PTPRD: variants seen among roughly 807,000 people sequenced by gnomAD.
The protein encoded by PTPRD is protein tyrosine phosphatase receptor type D, also known as receptor-type tyrosine-protein phosphatase delta.
A neutral mutation model predicts 214.5 loss-of-function variants in PTPRD; 34 were observed. The ratio of observed to expected loss-of-function variants is 0.16; its 90% CI spans 0.12 to 0.21. The LOEUF is 0.21. Ranked by LOEUF, PTPRD falls within the 10% of genes least tolerant of loss-of-function variation. PTPRD has a pLI of 1.00. For synonymous variants in PTPRD, 1,128 were observed against 845.7 expected (o/e 1.33, Z -5.79); for missense variants, 2,545 against 2,398.7 (o/e 1.06, Z -1.27).
chr9:9,114,891 C>T (rs989770949), intron 10 of PTPRD, among the ~76,000 whole-genome samples: 3 of 152,014 alleles, frequency 2.0e-5, no homozygotes, highest in Non-Finnish European at 4.4e-5. Context: ...TTTAGGGAAA[C>T]GTTCTCTTGA....
At chr9:9,632,534 C>G (rs2095626054) in intron 7 of PTPRD, among the ~76,000 whole-genome samples, 1 of 151,798 alleles carries the variant, frequency 6.6e-6, no homozygotes, top group Non-Finnish European at 1.5e-5. Flanking sequence ...CTATATTGTT[C>G]ACTTGCAAAT....
At chr9:9,898,333 G>A (rs987122537) in intron 5 of PTPRD, among the ~76,000 whole-genome samples, 3 of 152,046 alleles carry the variant, frequency 2.0e-5, no homozygotes, top group East Asian at 1.9e-4. Flanking sequence ...TAATGAAGGA[G>A]ATAGATTTTA....
At chr9:10,248,232 T>A (rs2092385339) in intron 3 of PTPRD, among the ~76,000 whole-genome samples, 1 of 152,048 alleles carries the variant, frequency 6.6e-6, no homozygotes, top group South Asian at 2.1e-4. Flanking sequence ...AGGGTTAAAG[T>A]GTCAAGAGGA....
intron 12 of PTPRD, among the ~76,000 whole-genome samples, chr9:8,691,004 T>C (rs549233658): frequency 2.0e-5 from 3 of 152,246 alleles, no homozygotes; most frequent in South Asian, 4.1e-4. Context: ...AAAGTAAGCC[T>C]CTGAGAACAT....
At chr9:8,323,883 T>C (rs1830876120) in intron 44 of PTPRD, among the ~76,000 whole-genome samples, 1 of 152,176 alleles carries the variant, frequency 6.6e-6, no homozygotes, top group African/African-American at 2.4e-5. Flanking sequence ...TAAAATGCTA[T>C]CAAACAACAT....
At chr9:9,542,821 A>G (rs935482308) in intron 8 of PTPRD, among the ~76,000 whole-genome samples, 3 of 151,672 alleles carry the variant, frequency 2.0e-5, no homozygotes, top group African/African-American at 4.8e-5. Context: ...GTTAACAACC[A>G]TGAGGAGCAA....
chr9:10,428,743 G>A (rs1250189942), intron 2 of PTPRD, among the ~76,000 whole-genome samples: 2 of 152,012 alleles, frequency 1.3e-5, no homozygotes, highest in Non-Finnish European at 2.9e-5. Flanking sequence ...TTGGTCCATG[G>A]TCTAAACTTT....
intron 12 of PTPRD, among the ~76,000 whole-genome samples, chr9:8,703,870 C>G (rs1343971820): frequency 6.6e-6 from 1 of 152,136 alleles, no homozygotes; most frequent in Non-Finnish European, 1.5e-5. Context: ...ATGTCCCAAA[C>G]CGAGCTCATG....
At position 8,518,111 on chromosome 9, in the gene PTPRD, C is replaced by G. The variant is rs2097819534; in HGVS notation, c.1280G>C (p.Arg427Pro). The part of the protein sequence containing the change: ...PSSAPRDVQA[R>P]MLSSTTILVQ... Reference sequence around the variant, plus strand: ...CAAAATGGTGGTCGAACTCAACATTCGTGCCTGGACATCCCTCGGGGCACT... The same window carrying G: ...CAAAATGGTGGTCGAACTCAACATTGGTGCCTGGACATCCCTCGGGGCACT... The change falls in exon 21 of 46, where the codon CGA becomes CCA. Residue 427 changes from arginine to proline, a missense_variant. Physicochemically the swap from Arg to Pro is moderately radical, Grantham distance 103. Coordinates refer to ENST00000381196, the MANE Select transcript of PTPRD (RefSeq NM_002839.4). The G allele has an allele frequency of 6.2e-7, 1 of 1,614,126 alleles. No homozygotes were observed. The highest frequency in any genetic ancestry group is 8.5e-7 in the Non-Finnish European group (1 of 1,180,018).
chr9:10,013,328 AT>A (rs762857328), intron 4 of PTPRD, among the ~76,000 whole-genome samples: 4 of 151,964 alleles, frequency 2.6e-5, no homozygotes, highest in Non-Finnish European at 5.9e-5. Flanking sequence ...AAAGAATAAA[AT>A]TAAATTTGTA....
chr9:8,989,702 A>T (rs1698014575), intron 11 of PTPRD, among the ~76,000 whole-genome samples: 1 of 152,120 alleles, frequency 6.6e-6, no homozygotes, highest in Non-Finnish European at 1.5e-5. Context: ...ACCAATATTT[A>T]AGATATAGAA....
chr9:9,143,408 T>A lies in PTPRD; in HGVS notation c.-143+39896A>T, dbSNP rs113223416. Among the ~76,000 whole-genome samples, 466 of 152,312 alleles carry A rather than the reference T, an allele frequency of 3.1e-3. 2 individuals carry two copies. Among genetic ancestry groups the A allele is most frequent in the African/African-American group, 0.011 (441 of 41,560 alleles). ...TCCACTTTCTACAATTATTTAATCA[T>A]GTTAACTACGTTATATTGAATAAAT... On this transcript the variant is annotated intron_variant, in intron 10 of 45. Coordinates refer to ENST00000381196, the MANE Select transcript of PTPRD (RefSeq NM_002839.4).
At chr9:10,356,648 T>C (rs765442420) in intron 2 of PTPRD, among the ~76,000 whole-genome samples, 2 of 152,120 alleles carry the variant, frequency 1.3e-5, no homozygotes, top group Non-Finnish European at 2.9e-5. Flanking sequence ...TTTCCAAACA[T>C]TATGGCTCAT....
chr9:8,979,042 G>T (rs73427766), intron 11 of PTPRD, among the ~76,000 whole-genome samples: 45 of 152,038 alleles, frequency 3.0e-4, no homozygotes, highest in African/African-American at 1.0e-3. Flanking sequence ...TCTCAACTTT[G>T]GCAACAGACC....
intron 10 of PTPRD, among the ~76,000 whole-genome samples, chr9:9,066,377 G>A (rs185558389): frequency 1.3e-5 from 2 of 151,680 alleles, no homozygotes; most frequent in East Asian, 1.9e-4. Context: ...ATCTTTTCTT[G>A]TGTTCATTTT....
intron 14 of PTPRD, among the ~76,000 whole-genome samples, chr9:8,630,509 T>A (rs973620104): frequency 6.6e-6 from 1 of 151,874 alleles, no homozygotes; most frequent in Non-Finnish European, 1.5e-5. Context: ...AAAGGATATA[T>A]AAAAGTATTC....
At chr9:9,843,521 A>T (rs1371165382) in intron 5 of PTPRD, among the ~76,000 whole-genome samples, 3 of 151,900 alleles carry the variant, frequency 2.0e-5, no homozygotes, top group African/African-American at 7.2e-5. Context: ...GTTTTATAAG[A>T]ATTATAATAC....
rs535447102 is a variant in PTPRD, at chr9:9,940,045, G to C, written c.-471-1435C>G. On this transcript the variant is annotated intron_variant, in intron 4 of 45. Transcript: ENST00000381196. ...CTTTCAAATTAGGGTAACTTGAGTA[G>C]AGCTTAATAAAGAACTCATTTATAA... Among the ~76,000 whole-genome samples, 28 of 152,250 alleles carry C rather than the reference G, an allele frequency of 1.8e-4. No individual in the cohort carries two copies. The South Asian group carries it at 5.8e-3, about 32-fold the overall frequency.
Position 8,404,634 on chromosome 9 carries a change from A to G in PTPRD, c.4113T>C (p.Thr1371=), listed in dbSNP as rs1218197876. 28 of 1,612,354 alleles carry G rather than the reference A, an allele frequency of 1.7e-5. No homozygotes were observed. Among genetic ancestry groups the G allele is most frequent in the Non-Finnish European group, 2.3e-5 (27 of 1,178,814 alleles). Residue 1371 remains threonine (T), a synonymous_variant, in exon 36 of 46, where the codon ACT becomes ACC. Transcript: ENST00000381196. ...YESIDPGQQF[T]WEHSNLEVNK... ...TTACTTCCAAGTTTGAATGTTCCCAAGTGAACTGCTGGCCAGGGTCAATTG... is the reference window on the plus strand; with the variant it reads ...TTACTTCCAAGTTTGAATGTTCCCAGGTGAACTGCTGGCCAGGGTCAATTG...
Sources: gnomAD v4.1 joint callset for allele counts (sites outside exome capture counted in the v4.1 genomes callset) on GRCh38, gnomAD v4.1.1 for gene constraint, MANE v1.5 for transcripts, NCBI Gene and HGNC (gene_info 2026-07-23, HGNC 2026-07-21) for gene names.